Variants in PXDNL observed in about 807,000 individuals in gnomAD.
The protein encoded by PXDNL is peroxidasin like.
PXDNL carries 145 observed loss-of-function variants against 150.8 expected under a neutral mutation model. The ratio of observed to expected loss-of-function variants is 0.96; its 90% CI spans 0.84 to 1.10. The LOEUF (loss-of-function observed/expected upper bound fraction) is 1.10. Ranked by LOEUF, PXDNL falls within the 50% of genes least tolerant of loss-of-function variation. The pLI is 0.00. For missense variants in PXDNL, 2,087 were observed against 1,873.9 expected, an observed-to-expected ratio of 1.11 and a Z score of -2.10; for synonymous variants, 757 against 725.7, an observed-to-expected ratio of 1.04 and a Z score of -0.69.
At chr8:51,589,400 C>T (rs1284570015) in intron 3 of PXDNL, among the ~76,000 whole-genome samples, 1 of 152,016 alleles carries the variant, frequency 6.6e-6, no homozygotes, top group Non-Finnish European at 1.5e-5. Flanking sequence ...TTGCCATGAA[C>T]AGAATGTTAA....
At chr8:51,517,604 A>G (rs1370806948) in intron 4 of PXDNL, among the ~76,000 whole-genome samples, 2 of 152,380 alleles carry the variant, frequency 1.3e-5, no homozygotes, top group East Asian at 1.9e-4. Flanking sequence ...GTATCATACT[A>G]GCATTCTATG....
intron 2 of PXDNL, among the ~76,000 whole-genome samples, chr8:51,606,667 A>G (rs948678582): frequency 3.9e-5 from 6 of 152,222 alleles, no homozygotes; most frequent in African/African-American, 1.4e-4. Context: ...ACATTTTAAA[A>G]AAGTAAAAAC....
chr8:51,729,338 A>C (rs1455868137), intron 1 of PXDNL, among the ~76,000 whole-genome samples: 1 of 152,148 alleles, frequency 6.6e-6, no homozygotes, highest in Non-Finnish European at 1.5e-5. Context: ...AAAAATGGGT[A>C]AAAGCCCCAC....
chr8:51,398,802 A>ACCCC (rs148980572), intron 17 of PXDNL, among the ~76,000 whole-genome samples: 2 of 152,156 alleles, frequency 1.3e-5, no homozygotes, highest in Admixed American at 6.5e-5. Context: ...AAAGTAATGA[A>ACCCC]CCCCTGAATG....
At chr8:51,487,519 A>G (rs998230987) in intron 5 of PXDNL, among the ~76,000 whole-genome samples, 2 of 151,930 alleles carry the variant, frequency 1.3e-5, no homozygotes, top group African/African-American at 4.8e-5. Context: ...TTTTTAGCCA[A>G]AAAGTCCAAA....
At chr8:51,731,221 C>T (rs1239388164) in intron 1 of PXDNL, among the ~76,000 whole-genome samples, 9 of 152,184 alleles carry the variant, frequency 5.9e-5, no homozygotes, top group Non-Finnish European at 2.9e-5. Flanking sequence ...AATGGGGGTA[C>T]AGGCATTGAA....
chr8:51,358,724 T>C lies in PXDNL; in HGVS notation c.3902-12777A>G, dbSNP rs1441975400. On this transcript the variant is annotated intron_variant, in intron 19 of 22. Transcript: ENST00000356297. ...ATTTGGGAGCACGGTGCCCTGAAGATGAGCACCCCAAAGATGGGCCTTCTT... is the reference window on the plus strand; with the variant it reads ...ATTTGGGAGCACGGTGCCCTGAAGACGAGCACCCCAAAGATGGGCCTTCTT... 2.6e-5 allele frequency among the ~76,000 whole-genome samples: 4 copies of C among 152,096 alleles called. 1 individual carries two copies. The highest frequency in any genetic ancestry group is 1.3e-4 in the Admixed American group (2 of 15,276).
chr8:51,434,865 C>T (rs971981974), intron 12 of PXDNL, among the ~76,000 whole-genome samples: 1 of 152,110 alleles, frequency 6.6e-6, no homozygotes, highest in Non-Finnish European at 1.5e-5. Flanking sequence ...TGCCTCTTTA[C>T]AGAGATGAGG....
chr8:51,382,967 A>G (rs528026589), intron 17 of PXDNL, among the ~76,000 whole-genome samples: 3 of 152,250 alleles, frequency 2.0e-5, no homozygotes, highest in South Asian at 2.1e-4. Context: ...AACTATTCCT[A>G]TCCTTATTGT....
intron 1 of PXDNL, among the ~76,000 whole-genome samples, chr8:51,779,091 A>C (rs990652755): frequency 6.6e-6 from 1 of 152,246 alleles, no homozygotes; most frequent in African/African-American, 2.4e-5. Context: ...GTTAAAATAA[A>C]TGACCACTAA....
intron 20 of PXDNL, among the ~76,000 whole-genome samples, chr8:51,341,780 C>G (rs547399379): frequency 6.6e-6 from 1 of 152,216 alleles, no homozygotes; most frequent in Admixed American, 6.5e-5. Context: ...GACATAGCAC[C>G]TCACACCTGT....
At chr8:51,329,991 A>T (rs925409800) in intron 21 of PXDNL, among the ~76,000 whole-genome samples, 1 of 152,160 alleles carries the variant, frequency 6.6e-6, no homozygotes, top group Non-Finnish European at 1.5e-5. Context: ...AGGCCTGAGA[A>T]CCAGGAGTGC....
chr8:51,686,398 G>T (rs1037912498), intron 1 of PXDNL, among the ~76,000 whole-genome samples: 1 of 152,212 alleles, frequency 6.6e-6, no homozygotes, highest in Non-Finnish European at 1.5e-5. Flanking sequence ...AGCCTCTGCT[G>T]CCCCACTGCC....
intron 5 of PXDNL, among the ~76,000 whole-genome samples, chr8:51,496,182 T>C (rs571657028): frequency 4.6e-5 from 7 of 152,186 alleles, no homozygotes; most frequent in Middle Eastern, 3.4e-3. Context: ...ACAAAAACCA[T>C]ATGATTATCT....
chr8:51,653,022 T>A (rs1356377087), intron 2 of PXDNL, among the ~76,000 whole-genome samples: 1 of 152,228 alleles, frequency 6.6e-6, no homozygotes, highest in Non-Finnish European at 1.5e-5. Context: ...TAACATTTTA[T>A]CATATTCACA....
At chr8:51,808,970 C>CA (rs1411577924) in intron 1 of PXDNL, among the ~76,000 whole-genome samples, 1 of 152,106 alleles carries the variant, frequency 6.6e-6, no homozygotes, top group Non-Finnish European at 1.5e-5. Context: ...GAACTGAATC[C>CA]AAAACAAATA....
chr8:51,698,559 G>A (rs1816190889), intron 1 of PXDNL, among the ~76,000 whole-genome samples: 1 of 152,116 alleles, frequency 6.6e-6, no homozygotes, highest in African/African-American at 2.4e-5. Flanking sequence ...AAGTCTTGAA[G>A]CCCTCAAAGT....
chr8:51,436,933 T>A (rs1368623443), intron 12 of PXDNL, among the ~76,000 whole-genome samples: 2 of 152,010 alleles, frequency 1.3e-5, no homozygotes, highest in Non-Finnish European at 2.9e-5. Context: ...TTTGAAAAGA[T>A]AAATAAAATT....
At chr8:51,702,793 T>C (rs1352372699) in intron 1 of PXDNL, among the ~76,000 whole-genome samples, 1 of 152,034 alleles carries the variant, frequency 6.6e-6, no homozygotes, top group Non-Finnish European at 1.5e-5. Context: ...AGTACATCAA[T>C]GGCCCCCACT....
Sources: allele counts gnomAD v4.1 joint callset (sites outside exome capture counted in the v4.1 genomes callset), GRCh38; gene constraint gnomAD v4.1.1; transcripts MANE v1.5; gene names NCBI Gene and HGNC (gene_info 2026-07-23, HGNC 2026-07-21).